Variants in TOX2 observed in about 807,000 individuals in gnomAD.
TOX2 encodes the protein TOX high mobility group box family member 2.
TOX2 carries 15 observed loss-of-function variants against 47.4 expected under a neutral mutation model. That is an observed-to-expected ratio of 0.32 (90% CI 0.21 to 0.49). TOX2 has a LOEUF of 0.49. TOX2 is among the 20% of genes least tolerant of loss of function. The pLI, the probability that TOX2 is intolerant of heterozygous loss-of-function variation, is 0.99. For synonymous variants in TOX2, 290 were observed against 296.6 expected, an observed-to-expected ratio of 0.98 and a Z score of 0.23; for missense variants, 622 against 673.1, an observed-to-expected ratio of 0.92 and a Z score of 0.84.
At chr20:43,962,171 G>T (rs1197731763) in intron 1 of TOX2, among the ~76,000 whole-genome samples, 1 of 152,242 alleles carries the variant, frequency 6.6e-6, no homozygotes, top group East Asian at 1.9e-4. Flanking sequence ...TGCAGACGGT[G>T]TGTGAGCTAC....
At chr20:44,023,691 G>T (rs1178978264) in intron 3 of TOX2, among the ~76,000 whole-genome samples, 1 of 152,228 alleles carries the variant, frequency 6.6e-6, no homozygotes, top group African/African-American at 2.4e-5. Flanking sequence ...GCATGCTCAG[G>T]GAGCCGAGGA....
At chr20:43,985,612 T>C (rs184006836) in intron 2 of TOX2, among the ~76,000 whole-genome samples, 9 of 152,276 alleles carry the variant, frequency 5.9e-5, no homozygotes, top group African/African-American at 1.7e-4. Flanking sequence ...TACATAGCAA[T>C]TGGTAGTTAG....
chr20:43,964,998 CT>C (rs1488280116), intron 1 of TOX2, among the ~76,000 whole-genome samples: 1 of 152,172 alleles, frequency 6.6e-6, no homozygotes, highest in Non-Finnish European at 1.5e-5. Flanking sequence ...TTATCCTGGC[CT>C]TTGTCACATG....
intron 2 of TOX2, among the ~76,000 whole-genome samples, chr20:43,981,514 C>CTG (rs146430700): frequency 2.0e-5 from 3 of 151,986 alleles, no homozygotes; most frequent in South Asian, 2.1e-4. Context: ...GCATGTACCT[C>CTG]TGTGTGTGTG....
chr20:43,928,864 G>A (rs79225010), intron 1 of TOX2, among the ~76,000 whole-genome samples: 16,696 of 151,890 alleles, frequency 0.11, 1,051 homozygotes, highest in East Asian at 0.23. Context: ...GCCGGGCGTG[G>A]TGGCTCACGC....
At chr20:43,969,008 G>A (rs2069911856) in intron 1 of TOX2, among the ~76,000 whole-genome samples, 1 of 152,212 alleles carries the variant, frequency 6.6e-6, no homozygotes, top group Non-Finnish European at 1.5e-5. Context: ...TTCAGTATAT[G>A]TTTGTGTTCA....
chr20:43,993,403 G>A (rs2070406625), intron 2 of TOX2, among the ~76,000 whole-genome samples: 1 of 152,112 alleles, frequency 6.6e-6, no homozygotes, highest in Admixed American at 6.6e-5. Context: ...GATTGTGGTG[G>A]GAAGATTTGA....
At chr20:44,054,596 A>G in intron 5 of TOX2, 70 bp downstream of exon 5, 1 of 1,507,914 alleles carries the variant, frequency 6.6e-7, no homozygotes, top group Non-Finnish European at 9.1e-7. Flanking sequence ...CACACTTTGA[A>G]GGTCTGAAAC....
chr20:43,986,072 G>A (rs370227854), intron 2 of TOX2, among the ~76,000 whole-genome samples: 4 of 152,296 alleles, frequency 2.6e-5, no homozygotes, highest in East Asian at 1.9e-4. Context: ...TTAGCACAGT[G>A]TGACCTTTGG....
chr20:44,048,417 T>TATATATATATATAA (rs1388097590), intron 3 of TOX2, among the ~76,000 whole-genome samples: 9 of 139,600 alleles, frequency 6.4e-5, no homozygotes, highest in Middle Eastern at 3.7e-3. Flanking sequence ...TATATATGTA[T>TATATATATATATAA]AATTTACCAA....
intron 1 of TOX2, among the ~76,000 whole-genome samples, chr20:43,917,607 GTCCCCTTGGCGACCA>G (rs1458505421): frequency 2.6e-5 from 4 of 152,078 alleles, no homozygotes; most frequent in Admixed American, 6.5e-5. Context: ...CTTGGCGACC[GTCCCCTTGGCGACCA>G]TCCCCTTGGC....
chr20:43,979,779 C>G (rs768713411), intron 2 of TOX2, among the ~76,000 whole-genome samples: 1 of 152,154 alleles, frequency 6.6e-6, no homozygotes, highest in Admixed American at 6.5e-5. Context: ...TGAAAAGTTG[C>G]TCAATATCAC....
intron 1 of TOX2, among the ~76,000 whole-genome samples, chr20:43,961,855 G>T (rs1055187586): frequency 1.3e-5 from 2 of 151,960 alleles, no homozygotes; most frequent in African/African-American, 2.4e-5. Context: ...CCTCAAAGTC[G>T]CGAGCCCAAT....
chr20:43,990,157 A>G (rs2070343770), intron 2 of TOX2, among the ~76,000 whole-genome samples: 1 of 152,250 alleles, frequency 6.6e-6, no homozygotes, highest in African/African-American at 2.4e-5. Flanking sequence ...TCATGTATGA[A>G]AAGTACATAG....
intron 2 of TOX2, among the ~76,000 whole-genome samples, chr20:43,994,663 A>G (rs1405437725): frequency 6.6e-6 from 1 of 151,958 alleles, no homozygotes; most frequent in East Asian, 1.9e-4. Flanking sequence ...CCCACCAATC[A>G]TGTATCTTTC....
intron 5 of TOX2, among the ~76,000 whole-genome samples, chr20:44,061,028 G>C (rs767937230): frequency 6.6e-6 from 1 of 152,226 alleles, no homozygotes; most frequent in Admixed American, 6.5e-5. Context: ...AAAGAAGAGA[G>C]AAGATCCAAA....
At chr20:43,950,726 C>G (rs1400307456) in intron 1 of TOX2, among the ~76,000 whole-genome samples, 2 of 152,030 alleles carry the variant, frequency 1.3e-5, no homozygotes, top group African/African-American at 4.8e-5. Flanking sequence ...TCGACATTCC[C>G]AATACCCCTC....
At chr20:44,016,547 G>A (rs1169582491) in intron 3 of TOX2, among the ~76,000 whole-genome samples, 2 of 152,136 alleles carry the variant, frequency 1.3e-5, no homozygotes, top group Admixed American at 1.3e-4. Context: ...CCTGTGCCTT[G>A]TAGGATGTCT....
intron 3 of TOX2, among the ~76,000 whole-genome samples, chr20:44,016,020 C>T (rs1047324513): frequency 1.3e-5 from 2 of 151,986 alleles, no homozygotes; most frequent in African/African-American, 4.8e-5. Flanking sequence ...CAAGAAAGGT[C>T]GGAAAGGAAC....
Sources: gnomAD v4.1 joint callset for allele counts (sites outside exome capture counted in the v4.1 genomes callset) on GRCh38, gnomAD v4.1.1 for gene constraint, MANE v1.5 for transcripts, NCBI Gene and HGNC (gene_info 2026-07-23, HGNC 2026-07-21) for gene names.